GAP43: variants seen among roughly 807,000 people sequenced by gnomAD.
GAP43 encodes growth associated protein 43.
A neutral mutation model predicts 18.6 loss-of-function variants in GAP43; 6 were observed. The observed-to-expected ratio is 0.32, with a 90% confidence interval of 0.18 to 0.64. The LOEUF is 0.64. GAP43 is among the 30% of genes least tolerant of loss of function. The pLI, the probability that GAP43 is intolerant of heterozygous loss-of-function variation, is 0.78. For missense variants in GAP43, 292 were observed against 295.5 expected (o/e 0.99, Z 0.09); for synonymous variants, 115 against 111.4 (o/e 1.03, Z -0.20).
chr3:115,661,559 G>C (rs1342053811), intron 1 of GAP43, among the ~76,000 whole-genome samples: 4 of 152,174 alleles, frequency 2.6e-5, no homozygotes, highest in African/African-American at 7.2e-5. Flanking sequence ...CGTGATCTCT[G>C]TTCACTGCAA....
chr3:115,635,412 A>G (rs1412559552), intron 1 of GAP43, among the ~76,000 whole-genome samples: 2 of 152,168 alleles, frequency 1.3e-5, no homozygotes, highest in East Asian at 3.9e-4. Context: ...TAAGGACAAG[A>G]GTTCCTTGCT....
At chr3:115,643,319 G>A (rs1463727438) in intron 1 of GAP43, among the ~76,000 whole-genome samples, 2 of 152,006 alleles carry the variant, frequency 1.3e-5, no homozygotes, top group African/African-American at 4.8e-5. Context: ...ATCAGTTGGT[G>A]GTTTTGCCTT....
intron 1 of GAP43, among the ~76,000 whole-genome samples, chr3:115,669,825 T>C (rs1708789174): frequency 6.6e-6 from 1 of 151,956 alleles, no homozygotes; most frequent in Non-Finnish European, 1.5e-5. Context: ...CAATATGAGA[T>C]ATTTTGTTTT....
At chr3:115,714,821 T>C (rs1361562284) in intron 2 of GAP43, among the ~76,000 whole-genome samples, 3 of 151,918 alleles carry the variant, frequency 2.0e-5, no homozygotes, top group African/African-American at 7.3e-5. Flanking sequence ...ATAATAGTAA[T>C]AGTCTTAGGA....
intron 1 of GAP43, among the ~76,000 whole-genome samples, chr3:115,626,190 C>T (rs1339506938): frequency 6.6e-6 from 1 of 152,114 alleles, no homozygotes; most frequent in South Asian, 2.1e-4. Flanking sequence ...CCAGTGGTGC[C>T]CATCCTTCTG....
intron 1 of GAP43, among the ~76,000 whole-genome samples, chr3:115,675,798 A>G (rs999496113): frequency 6.9e-6 from 1 of 143,942 alleles, no homozygotes; most frequent in African/African-American, 2.5e-5. Context: ...ATGGCCAGTG[A>G]TTCTGGAAGG....
Position 115,720,916 on chromosome 3 carries a change from C to T in GAP43, c.*34C>T, listed in dbSNP as rs774971944. 1.4e-6 allele frequency: 2 copies of T among 1,448,076 alleles called. No homozygotes were observed. The highest frequency in any genetic ancestry group is 1.2e-5 in the South Asian group (1 of 86,886). The allele number at this position is 1,448,076 out of a possible 1,614,324, so 89.7% of individuals were successfully genotyped here. A position where few individuals can be genotyped will look rare whatever the true frequency, so the allele number is the denominator to read the frequency against. ...AAATGGCTTTCCACATCCCCACCCTCCCCTCTCCTGAGCCTGTCTCTCCCT... is the reference window on the plus strand; with the variant it reads ...AAATGGCTTTCCACATCCCCACCCTTCCCTCTCCTGAGCCTGTCTCTCCCT... On this transcript the variant is annotated 3_prime_UTR_variant, in exon 3 of 3. Coordinates refer to ENST00000305124, the MANE Select transcript of GAP43 (RefSeq NM_002045.4).
At chr3:115,648,559 T>C (rs1013652703) in intron 1 of GAP43, among the ~76,000 whole-genome samples, 1 of 152,140 alleles carries the variant, frequency 6.6e-6, no homozygotes, top group Non-Finnish European at 1.5e-5. Context: ...AGGAAGACAA[T>C]GATTTTTATT....
chr3:115,682,817 A>G (rs1053774193), intron 2 of GAP43, among the ~76,000 whole-genome samples: 2 of 152,228 alleles, frequency 1.3e-5, no homozygotes, highest in South Asian at 4.1e-4. Flanking sequence ...GGTGTGAGCC[A>G]CTGCGCCTGG....
At chr3:115,663,929 C>G in intron 1 of GAP43, 1 of 1,551,638 alleles carries the variant, frequency 6.4e-7, no homozygotes, top group Non-Finnish European at 8.7e-7. Flanking sequence ...AATTTTACCT[C>G]ACATGTAACC....
chr3:115,662,250 G>A (rs1209043059), intron 1 of GAP43, among the ~76,000 whole-genome samples: 3 of 152,038 alleles, frequency 2.0e-5, no homozygotes, highest in South Asian at 2.1e-4. Context: ...CTGCACTATC[G>A]CCACCAGCTA....
intron 1 of GAP43, among the ~76,000 whole-genome samples, chr3:115,645,916 G>A (rs1385282745): frequency 7.2e-5 from 11 of 151,890 alleles, no homozygotes; most frequent in South Asian, 2.1e-4. Flanking sequence ...TCTTAACTCC[G>A]GAATTTTAGG....
chr3:115,660,420 A>G (rs774767043), intron 1 of GAP43, among the ~76,000 whole-genome samples: 11 of 152,344 alleles, frequency 7.2e-5, no homozygotes, highest in Non-Finnish European at 1.3e-4. Flanking sequence ...ACACAATTCA[A>G]ACTTACACTT....
chr3:115,708,115 G>C (rs557684380), intron 2 of GAP43, among the ~76,000 whole-genome samples: 3 of 152,162 alleles, frequency 2.0e-5, no homozygotes, highest in African/African-American at 7.2e-5. Flanking sequence ...CAAAATAAAA[G>C]AAATCTCTGC....
At chr3:115,689,213 C>T (rs1709072000) in intron 2 of GAP43, among the ~76,000 whole-genome samples, 1 of 152,294 alleles carries the variant, frequency 6.6e-6, no homozygotes, top group South Asian at 2.1e-4. Flanking sequence ...AGTTACATCA[C>T]ATTACCCAGT....
chr3:115,708,845 G>A (rs541532779), intron 2 of GAP43, among the ~76,000 whole-genome samples: 136 of 151,834 alleles, frequency 9.0e-4, no homozygotes, highest in Non-Finnish European at 1.6e-3. Flanking sequence ...CTACTACAAG[G>A]AATGTAGGAC....
chr3:115,683,137 G>GCACACA (rs1287401880), intron 2 of GAP43, among the ~76,000 whole-genome samples: 1 of 123,370 alleles, frequency 8.1e-6, no homozygotes, highest in African/African-American at 3.2e-5. Flanking sequence ...GCGCGCGTGC[G>GCACACA]CGCGCGCGCG....
At chr3:115,628,917 G>T (rs1708225936) in intron 1 of GAP43, among the ~76,000 whole-genome samples, 1 of 152,160 alleles carries the variant, frequency 6.6e-6, no homozygotes, top group South Asian at 2.1e-4. Flanking sequence ...CTTGGTCTAA[G>T]TGCTTCATTT....
At chr3:115,713,752 T>C (rs1709468501) in intron 2 of GAP43, among the ~76,000 whole-genome samples, 1 of 152,224 alleles carries the variant, frequency 6.6e-6, no homozygotes, top group Admixed American at 6.5e-5. Flanking sequence ...CCTGAATCCT[T>C]TAAGGCTACC....
Sources: gnomAD v4.1 joint callset for allele counts (sites outside exome capture counted in the v4.1 genomes callset) on GRCh38, gnomAD v4.1.1 for gene constraint, MANE v1.5 for transcripts, NCBI Gene and HGNC (gene_info 2026-07-23, HGNC 2026-07-21) for gene names.